RSRC1: variants seen among roughly 807,000 people sequenced by gnomAD.
RSRC1 encodes serine/Arginine-related protein 53.
A neutral mutation model predicts 49.1 loss-of-function variants in RSRC1; 39 were observed. The ratio of observed to expected loss-of-function variants is 0.79; its 90% CI spans 0.61 to 1.04. RSRC1 has a LOEUF of 1.04. Among genes scored for constraint, RSRC1 ranks in the 50% least tolerant of loss-of-function variants. RSRC1 has a pLI of 0.00. For synonymous variants in RSRC1, 143 were observed against 130.8 expected (o/e 1.09, Z -0.63); for missense variants, 388 against 402.4 (o/e 0.96, Z 0.31).
At position 158,544,241 on chromosome 3, in the gene RSRC1, G is replaced by A. The variant is rs200542060; in HGVS notation, c.971G>A (p.Arg324Gln). 8.1e-6 allele frequency: 13 copies of A among 1,612,228 alleles called. No homozygotes were observed. Among genetic ancestry groups the A allele is most frequent in the African/African-American group, 1.3e-5 (1 of 74,970 alleles). Residue 324 changes from arginine (R) to glutamine (Q), a missense_variant, in exon 10 of 10, where the codon CGA becomes CAA. Physicochemically the swap from Arg to Gln is conservative, Grantham distance 43. Coordinates refer to ENST00000611884, the MANE Select transcript of RSRC1 (RefSeq NM_001271838.2). ...TGGTTCAAGAGATTAATTGCTCTCC[G>A]ACAAGAAAGACTAATGGGCAGTCCT... The part of the protein sequence containing the change: ...EKWFKRLIAL[R>Q]QERLMGSPVA
In RSRC1 at chr3:158,250,239, C is replaced by T. The variant is rs573922005; in HGVS notation, c.494+46994C>T. 2.0e-5 allele frequency among the ~76,000 whole-genome samples: 3 copies of T among 152,244 alleles called. No individual in the cohort carries two copies. In the South Asian group the frequency reaches 6.2e-4, roughly 32 times the overall value. On this transcript the variant is annotated intron_variant, in intron 4 of 9. Coordinates refer to ENST00000611884, the MANE Select transcript of RSRC1 (RefSeq NM_001271838.2). ...GTGTTGATGGACACTTAGGTTGTTT[C>T]CTAATCTTGGCTATTGTGAATAGTG...
chr3:158,298,351 ATTGT>A (rs749306665), intron 5 of RSRC1, among the ~76,000 whole-genome samples: 19 of 152,188 alleles, frequency 1.2e-4, no homozygotes, highest in African/African-American at 2.9e-4. Flanking sequence ...ATAAACAAAA[ATTGT>A]TTGGTGTAGA....
intron 7 of RSRC1, among the ~76,000 whole-genome samples, chr3:158,489,940 A>G (rs1738996126): frequency 6.6e-6 from 1 of 152,238 alleles, no homozygotes; most frequent in Non-Finnish European, 1.5e-5. Context: ...ATCACAGAAC[A>G]ACTAAAGAAT....
chr3:158,411,068 G>GGT (rs1734440478), intron 6 of RSRC1, among the ~76,000 whole-genome samples: 1 of 151,962 alleles, frequency 6.6e-6, no homozygotes, highest in South Asian at 2.1e-4. Flanking sequence ...GCATTCTCTG[G>GGT]GTGTTCTGTT....
At chr3:158,286,132 AT>A (rs1465264578) in intron 4 of RSRC1, among the ~76,000 whole-genome samples, 1 of 152,196 alleles carries the variant, frequency 6.6e-6, no homozygotes, top group Non-Finnish European at 1.5e-5. Context: ...GCTAGTGTTT[AT>A]TTTTACTTAA....
intron 3 of RSRC1, among the ~76,000 whole-genome samples, chr3:158,142,562 G>A (rs973322330): frequency 1.3e-5 from 2 of 152,188 alleles, no homozygotes; most frequent in African/African-American, 4.8e-5. Flanking sequence ...CCTGCTTCTA[G>A]TGAGGGCCTC....
intron 4 of RSRC1, among the ~76,000 whole-genome samples, chr3:158,212,670 G>T (rs1230336915): frequency 1.3e-5 from 2 of 151,832 alleles, no homozygotes; most frequent in Admixed American, 1.3e-4. Context: ...CTTAGTGTTT[G>T]CCTTTAGTAA....
intron 7 of RSRC1, among the ~76,000 whole-genome samples, chr3:158,503,440 C>A (rs1251557678): frequency 6.6e-6 from 1 of 152,062 alleles, no homozygotes; most frequent in East Asian, 1.9e-4. Context: ...GGGCGGGGCC[C>A]TAGAACTCCC....
chr3:158,243,140 T>C (rs1723689379), intron 4 of RSRC1, among the ~76,000 whole-genome samples: 2 of 152,204 alleles, frequency 1.3e-5, no homozygotes, highest in Admixed American at 6.5e-5. Flanking sequence ...ATGTCCTGAA[T>C]GGTATCACCT....
At chr3:158,481,128 T>C (rs1011052624) in intron 7 of RSRC1, among the ~76,000 whole-genome samples, 33 of 152,198 alleles carry the variant, frequency 2.2e-4, no homozygotes, top group African/African-American at 7.7e-4. Context: ...TAGGAAGTAG[T>C]GTCGTTTATA....
chr3:158,420,602 C>G (rs926672140), intron 6 of RSRC1, among the ~76,000 whole-genome samples: 1 of 151,784 alleles, frequency 6.6e-6, no homozygotes, highest in Non-Finnish European at 1.5e-5. Context: ...CTCTAAGATC[C>G]TTTTTATATC....
chr3:158,530,913 T>TAA (rs200580489), intron 7 of RSRC1, among the ~76,000 whole-genome samples: 3,492 of 95,502 alleles, frequency 0.037, 81 homozygotes, highest in East Asian at 0.12. Context: ...AAATAATAAA[T>TAA]AAAAAAAAAA....
intron 6 of RSRC1, among the ~76,000 whole-genome samples, chr3:158,405,300 T>C (rs1303376792): frequency 6.6e-6 from 1 of 152,100 alleles, no homozygotes; most frequent in African/African-American, 2.4e-5. Flanking sequence ...TATACTGCAA[T>C]GATAAACTAT....
chr3:158,456,956 C>T (rs1737361823), intron 6 of RSRC1, among the ~76,000 whole-genome samples: 1 of 152,050 alleles, frequency 6.6e-6, no homozygotes, highest in Non-Finnish European at 1.5e-5. Flanking sequence ...TGTGTGTATG[C>T]AGCAAGGCAC....
chr3:158,479,894 A>C (rs1337138061), intron 7 of RSRC1, among the ~76,000 whole-genome samples: 1 of 151,940 alleles, frequency 6.6e-6, no homozygotes, highest in Non-Finnish European at 1.5e-5. Context: ...ATTACACTTC[A>C]TTTTCTCTTT....
intron 2 of RSRC1, 30 bp from the exon 3 acceptor site, chr3:158,123,836 G>T: frequency 6.3e-7 from 1 of 1,577,924 alleles, no homozygotes. Flanking sequence ...AATTTTTATA[G>T]CAGTGATCTT....
chr3:158,438,999 C>T (rs574438724), intron 6 of RSRC1, among the ~76,000 whole-genome samples: 11 of 152,196 alleles, frequency 7.2e-5, no homozygotes, highest in East Asian at 3.9e-4. Flanking sequence ...AAAAAGTGGG[C>T]GAAGGATATG....
intron 4 of RSRC1, among the ~76,000 whole-genome samples, chr3:158,283,134 T>C (rs1726277343): frequency 6.6e-6 from 1 of 151,952 alleles, no homozygotes; most frequent in Non-Finnish European, 1.5e-5. Context: ...ACGTAGATGG[T>C]ATAAGGGTGA....
chr3:158,327,425 TG>T (rs1729228510), intron 5 of RSRC1, among the ~76,000 whole-genome samples: 5 of 152,252 alleles, frequency 3.3e-5, no homozygotes, highest in Admixed American at 3.3e-4. Flanking sequence ...GATTCTGGTA[TG>T]TTGTGTCTTT....
Sources: allele counts gnomAD v4.1 joint callset (sites outside exome capture counted in the v4.1 genomes callset), GRCh38; gene constraint gnomAD v4.1.1; transcripts MANE v1.5; gene names NCBI Gene and HGNC (gene_info 2026-07-23, HGNC 2026-07-21).